Variants in ASB3 observed in about 807,000 individuals in gnomAD.
The protein encoded by ASB3 is ankyrin repeat and SOCS box containing 3.
A neutral mutation model predicts 54.5 loss-of-function variants in ASB3; 41 were observed. That is an observed-to-expected ratio of 0.75 (90% CI 0.59 to 0.98). The LOEUF (loss-of-function observed/expected upper bound fraction) is 0.98, where lower values mean the gene tolerates loss of function less well. Ranked by LOEUF, ASB3 falls within the 50% of genes least tolerant of loss-of-function variation. ASB3 has a pLI of 0.00. For synonymous variants in ASB3, 266 were observed against 221.2 expected (o/e 1.20, Z -1.80); for missense variants, 733 against 620.0 (o/e 1.18, Z -1.94).
At chr2:53,688,681 G>A (rs866559730) in intron 9 of ASB3, among the ~76,000 whole-genome samples, 18 of 152,060 alleles carry the variant, frequency 1.2e-4, no homozygotes, top group Middle Eastern at 3.4e-3. Flanking sequence ...AACTAACACA[G>A]GAACAGAAAA....
chr2:53,716,426 G>A (rs1005474275), intron 6 of ASB3, 140 bp downstream of exon 6: 2 of 1,017,188 alleles, frequency 2.0e-6, no homozygotes, highest in Non-Finnish European at 2.8e-6. Context: ...GACAGATTAG[G>A]GGTAGATCTG....
At chr2:53,747,056 T>C (rs940261317) in intron 3 of ASB3, among the ~76,000 whole-genome samples, 34 of 152,142 alleles carry the variant, frequency 2.2e-4, no homozygotes, top group Non-Finnish European at 1.2e-4. Flanking sequence ...TGTTGAAATA[T>C]AAACCCCTAA....
In ASB3 at chr2:53,700,407, C is replaced by G. The variant is rs1435975577; in HGVS notation, c.1102G>C (p.Gly368Arg). ...FSIFRYFLRK[G>R]CSLGPWNHIY... is the part of the protein sequence containing the mutation. ...TGGTTCCATGGTCCCAATGAGCAAC[C>G]TTTCCTCAAAAAGTAGCGAAATATC... The change falls in exon 8 of 10, where the codon GGT becomes CGT. Residue 368 changes from glycine (G) to arginine (R), a missense_variant. Transcript: ENST00000263634. The G allele has an allele frequency of 3.1e-6, 5 of 1,614,034 alleles. No homozygotes were observed. The Admixed American group carries it at 5.0e-5, about 16-fold the overall frequency.
chr2:53,727,494 G>A (rs1162197859), intron 5 of ASB3, among the ~76,000 whole-genome samples: 1 of 152,008 alleles, frequency 6.6e-6, no homozygotes, highest in Non-Finnish European at 1.5e-5. Context: ...TAATTAGCTG[G>A]GCATGGTGAA....
intron 1 of ASB3, chr2:53,767,627 G>C: frequency 2.2e-6 from 1 of 460,378 alleles, no homozygotes; most frequent in South Asian, 2.7e-5. Flanking sequence ...GGTGATTTAC[G>C]GATGCTGCAA....
intron 2 of ASB3, among the ~76,000 whole-genome samples, chr2:53,762,186 T>C (rs1479583469): frequency 6.6e-6 from 1 of 152,100 alleles, no homozygotes; most frequent in Non-Finnish European, 1.5e-5. Context: ...TGTGTGTGTG[T>C]GTGTGTGTAT....
chr2:53,677,645 G>A (rs556493078), intron 9 of ASB3, among the ~76,000 whole-genome samples: 1 of 152,146 alleles, frequency 6.6e-6, no homozygotes, highest in Non-Finnish European at 1.5e-5. Flanking sequence ...AATGGTCTGT[G>A]ACTTTTTGTC....
Position 53,714,530 on chromosome 2 carries a change from T to TA in ASB3, c.833dup (p.Asn279LysfsTer15). 6.2e-7 allele frequency: 1 copy of TA among 1,614,220 alleles called. No individual in the cohort carries two copies. Among genetic ancestry groups the TA allele is most frequent in the Non-Finnish European group, 8.5e-7 (1 of 1,180,020 alleles). Reference sequence around the variant, plus strand: ...CTGAGTAAACAGGGCTTACTTTGTTTAGCCCAGTGTCACAGGCCCGGTTAG... The same window carrying TA: ...CTGAGTAAACAGGGCTTACTTTGTTTAAGCCCAGTGTCACAGGCCCGGTTAG... On this transcript the variant is annotated frameshift_variant, in exon 7 of 10. Coordinates refer to ENST00000263634, the MANE Select transcript of ASB3 (RefSeq NM_016115.5). LOFTEE classifies it high-confidence loss of function.
chr2:53,750,826 A>G lies in ASB3; in HGVS notation c.312T>C (p.Asp104=). The change falls in exon 3 of 10, where the codon GAT becomes GAC. Residue 104 remains aspartate (D), a synonymous_variant. Coordinates refer to ENST00000263634, the MANE Select transcript of ASB3 (RefSeq NM_016115.5). The stretch of plus-strand genomic sequence containing the variant: ...TTTCTTCTAAAGTAGTTGCATTAGG[A>G]TCTGCCCCAGCTTCTAAAAGAATCT... ...IVQILLEAGA[D]PNATTLEETT... 1 of 1,600,896 alleles carries G rather than the reference A, an allele frequency of 6.2e-7. No homozygotes were observed.
chr2:53,676,520 G>A (rs142452811), intron 9 of ASB3, among the ~76,000 whole-genome samples: 36 of 152,278 alleles, frequency 2.4e-4, no homozygotes, highest in African/African-American at 8.2e-4. Flanking sequence ...TTATAATGGA[G>A]CTGAAAAATT....
rs1199429036 is a variant in ASB3 at position 53,753,284 on chromosome 2, A to T, written c.197-2343T>A. Reference sequence around the variant, plus strand: ...TCTAGTTGGTAAAGTTGTTTCTAGGAGTAGAGATTAACAATTCTGAAACCA... The same window carrying T: ...TCTAGTTGGTAAAGTTGTTTCTAGGTGTAGAGATTAACAATTCTGAAACCA... On this transcript the variant is annotated intron_variant, in intron 2 of 9. Coordinates refer to ENST00000263634, the MANE Select transcript of ASB3 (RefSeq NM_016115.5). Among the ~76,000 whole-genome samples the T allele has an allele frequency of 3.9e-5, 6 of 152,356 alleles. No homozygotes were observed. In the East Asian group the frequency reaches 1.2e-3, roughly 29 times the overall value.
intron 9 of ASB3, among the ~76,000 whole-genome samples, chr2:53,673,358 C>G: frequency 6.6e-6 from 1 of 152,188 alleles, no homozygotes; most frequent in Middle Eastern, 3.2e-3. Context: ...GATGCTCCAG[C>G]TTCTCAGAGT....
intron 9 of ASB3, among the ~76,000 whole-genome samples, chr2:53,684,700 G>A (rs1668545292): frequency 6.6e-6 from 1 of 152,206 alleles, no homozygotes; most frequent in African/African-American, 2.4e-5. Flanking sequence ...CTGATCAGAT[G>A]AGGAGAATGT....
intron 9 of ASB3, among the ~76,000 whole-genome samples, chr2:53,672,255 T>C (rs1007493989): frequency 2.0e-5 from 3 of 152,226 alleles, no homozygotes; most frequent in Non-Finnish European, 4.4e-5. Flanking sequence ...GAGTCATAGA[T>C]TCCCTATTAT....
At chr2:53,743,239 A>C (rs970049618) in intron 3 of ASB3, among the ~76,000 whole-genome samples, 1 of 149,444 alleles carries the variant, frequency 6.7e-6, no homozygotes, top group Non-Finnish European at 1.5e-5. Context: ...TCCTGGCCTC[A>C]AGTGATCCTC....
At chr2:53,718,327 A>T (rs541053376) in intron 5 of ASB3, among the ~76,000 whole-genome samples, 1 of 152,322 alleles carries the variant, frequency 6.6e-6, no homozygotes, top group African/African-American at 2.4e-5. Flanking sequence ...TCTCAGCAGA[A>T]ACCTTACAAG....
chr2:53,711,157 T>G (rs896386807), intron 7 of ASB3, among the ~76,000 whole-genome samples: 1 of 152,056 alleles, frequency 6.6e-6, no homozygotes, highest in African/African-American at 2.4e-5. Flanking sequence ...AAAAACAATT[T>G]GGGTCTATCT....
intron 5 of ASB3, among the ~76,000 whole-genome samples, chr2:53,719,490 G>A (rs1670579659): frequency 6.6e-6 from 1 of 152,076 alleles, no homozygotes; most frequent in Non-Finnish European, 1.5e-5. Context: ...AAACTCCTCT[G>A]CGACCAGAGA....
chr2:53,720,303 C>A (rs1055971657), intron 5 of ASB3, among the ~76,000 whole-genome samples: 3 of 152,172 alleles, frequency 2.0e-5, no homozygotes, highest in Non-Finnish European at 4.4e-5. Flanking sequence ...TGTGCCCCAA[C>A]CACTTTGGGC....
Sources: gnomAD v4.1 joint callset for allele counts (sites outside exome capture counted in the v4.1 genomes callset) on GRCh38, gnomAD v4.1.1 for gene constraint, MANE v1.5 for transcripts, NCBI Gene and HGNC (gene_info 2026-07-23, HGNC 2026-07-21) for gene names.